Variants in TAFA5 observed in about 807,000 individuals in gnomAD.
TAFA5 encodes the protein TAFA chemokine like family member 5, also known as chemokine-like protein TAFA-5.
Under a neutral mutation model 15.3 loss-of-function variants are expected in TAFA5, and 6 were observed. The ratio of observed to expected loss-of-function variants is 0.39; its 90% CI spans 0.21 to 0.77. The LOEUF (loss-of-function observed/expected upper bound fraction) is 0.77. Ranked by LOEUF, TAFA5 falls within the 30% of genes least tolerant of loss-of-function variation. The pLI, the probability that TAFA5 is intolerant of heterozygous loss-of-function variation, is 0.41. For synonymous variants in TAFA5, 103 were observed against 80.7 expected, an observed-to-expected ratio of 1.28 and a Z score of -1.48; for missense variants, 161 against 193.1, an observed-to-expected ratio of 0.83 and a Z score of 0.98.
intron 1 of TAFA5, among the ~76,000 whole-genome samples, chr22:48,523,467 G>C (rs915476136): frequency 1.3e-5 from 2 of 152,244 alleles, no homozygotes; most frequent in African/African-American, 4.8e-5. Context: ...TGAGCAGGAA[G>C]GAGGCTTGGG....
At chr22:48,739,753 T>G (rs1262763350) in intron 3 of TAFA5, among the ~76,000 whole-genome samples, 1 of 152,206 alleles carries the variant, frequency 6.6e-6, no homozygotes, top group Non-Finnish European at 1.5e-5. Context: ...TCTCTGTGTT[T>G]GTCGTGGGCT....
intron 2 of TAFA5, among the ~76,000 whole-genome samples, chr22:48,698,172 G>A (rs1569084129): frequency 6.6e-6 from 1 of 151,354 alleles, no homozygotes. Context: ...TGATAGTAGT[G>A]ATGATGGTGG....
At chr22:48,674,088 C>T (rs966503593) in intron 2 of TAFA5, among the ~76,000 whole-genome samples, 2 of 152,158 alleles carry the variant, frequency 1.3e-5, no homozygotes, top group Non-Finnish European at 2.9e-5. Context: ...CCTCTTCGCC[C>T]ATCTCACATC....
In TAFA5 at chr22:48,650,766, G is replaced by A. The variant is rs78473809; in HGVS notation, c.262+4020G>A. 2.6e-3 allele frequency among the ~76,000 whole-genome samples: 402 copies of A among 152,014 alleles called. 13 individuals carry two copies. The East Asian group carries it at 0.061, about 23-fold the overall frequency. On this transcript the variant is annotated intron_variant, in intron 2 of 3. Transcript: ENST00000402357. ...ACACAAACCAGCCACGCACTGTGGC[G>A]CTTTCCATCCTTACACACAGTATCA...
chr22:48,504,633 G>A (rs1920976326), intron 1 of TAFA5, among the ~76,000 whole-genome samples: 1 of 152,222 alleles, frequency 6.6e-6, no homozygotes, highest in Non-Finnish European at 1.5e-5. Flanking sequence ...GAGGCCTGGA[G>A]AGGGGGCTCC....
rs1423288142 is a variant in TAFA5 at position 48,616,017 on chromosome 22, C to T, written c.113-30580C>T. Among the ~76,000 whole-genome samples, 4 of 152,276 alleles carry T rather than the reference C, an allele frequency of 2.6e-5. No homozygotes were observed. In the East Asian group the frequency reaches 7.7e-4, roughly 29 times the overall value. On this transcript the variant is annotated intron_variant, in intron 1 of 3. Transcript: ENST00000402357. ...GGGGCTTCTAGAATACAGCCAGGCA[C>T]GTCCCTACTGGTTCTGTGGGGTGCA...
At chr22:48,632,733 G>A (rs1198443884) in intron 1 of TAFA5, among the ~76,000 whole-genome samples, 2 of 152,162 alleles carry the variant, frequency 1.3e-5, no homozygotes, top group African/African-American at 4.8e-5. Flanking sequence ...TGGCTGCGGA[G>A]GCCCTGACCC....
chr22:48,674,848 G>T (rs559667322), intron 2 of TAFA5, among the ~76,000 whole-genome samples: 2 of 152,132 alleles, frequency 1.3e-5, no homozygotes, highest in Non-Finnish European at 2.9e-5. Context: ...CTATTCTTTC[G>T]GTGTTGCTGT....
chr22:48,594,505 T>G (rs1366826678), intron 1 of TAFA5, among the ~76,000 whole-genome samples: 1 of 152,180 alleles, frequency 6.6e-6, no homozygotes, highest in Non-Finnish European at 1.5e-5. Context: ...CCCCACCCTC[T>G]CAGGGACATA....
At chr22:48,575,201 C>T (rs1923721841) in intron 1 of TAFA5, among the ~76,000 whole-genome samples, 1 of 152,060 alleles carries the variant, frequency 6.6e-6, no homozygotes, top group Non-Finnish European at 1.5e-5. Context: ...CGTCCGGTCT[C>T]CCGCGCCAGC....
intron 3 of TAFA5, among the ~76,000 whole-genome samples, chr22:48,748,746 TGACGGAACCTGG>T (rs1439079056): frequency 6.6e-6 from 1 of 152,164 alleles, no homozygotes; most frequent in Non-Finnish European, 1.5e-5. Context: ...CCCCTGGCCC[TGACGGAACCTGG>T]GATTTGGGGA....
At position 48,491,610 on chromosome 22, in the gene TAFA5, C is replaced by A. The variant is rs368584159; in HGVS notation, c.112+1906C>A. On this transcript the variant is annotated intron_variant, in intron 1 of 3. Coordinates refer to ENST00000402357, the MANE Select transcript of TAFA5 (RefSeq NM_001082967.3). ...GGCTTCAACACCGCACTTCCCGAGC[C>A]CGCGAGGAGCGCGGTACACACTGTC... is the stretch of plus-strand genomic sequence containing the variant. Among the ~76,000 whole-genome samples, 9 of 152,382 alleles carry A rather than the reference C, an allele frequency of 5.9e-5. No individual in the cohort carries two copies. In the East Asian group the frequency reaches 1.7e-3, roughly 29 times the overall value.
rs1926102777 is a variant in TAFA5 at position 48,628,543 on chromosome 22, A to G, written c.113-18054A>G. 2.6e-5 allele frequency among the ~76,000 whole-genome samples: 4 copies of G among 152,338 alleles called. No homozygotes were observed. The South Asian group carries it at 8.3e-4, about 32-fold the overall frequency. On this transcript the variant is annotated intron_variant, in intron 1 of 3. Coordinates refer to ENST00000402357, the MANE Select transcript of TAFA5 (RefSeq NM_001082967.3). The stretch of plus-strand genomic sequence containing the variant: ...GGATGCCAGGTCTGCTAAGGAGGGC[A>G]TAGACGGGTTTGCTCCCTGTGCAGC...
At chr22:48,680,626 C>T (rs1408760550) in intron 2 of TAFA5, among the ~76,000 whole-genome samples, 1 of 152,204 alleles carries the variant, frequency 6.6e-6, no homozygotes, top group Non-Finnish European at 1.5e-5. Flanking sequence ...AATTTGCCCA[C>T]CACGACTGGG....
chr22:48,525,376 C>T lies in TAFA5; in HGVS notation c.112+35672C>T, dbSNP rs144943168. Among the ~76,000 whole-genome samples the T allele has an allele frequency of 4.6e-5, 7 of 152,280 alleles. No homozygotes were observed. The Middle Eastern group carries it at 0.02, about 444-fold the overall frequency. The stretch of plus-strand genomic sequence containing the variant: ...CGCTGAGGGCTTGGTCCACACCCCA[C>T]CCTCACCCCGACAGGTGCCCGCTGC... On this transcript the variant is annotated intron_variant, in intron 1 of 3. Coordinates refer to ENST00000402357, the MANE Select transcript of TAFA5 (RefSeq NM_001082967.3).
chr22:48,629,881 C>T lies in TAFA5; in HGVS notation c.113-16716C>T, dbSNP rs534274080. Reference sequence around the variant, plus strand: ...ATGCCACCCGGCAACGCCGAGTGTCCTCCCGGCAGAGGAGTGCGGGCACCT... The same window carrying T: ...ATGCCACCCGGCAACGCCGAGTGTCTTCCCGGCAGAGGAGTGCGGGCACCT... On this transcript the variant is annotated intron_variant, in intron 1 of 3. Transcript: ENST00000402357. Among the ~76,000 whole-genome samples, 77 of 152,300 alleles carry T rather than the reference C, an allele frequency of 5.1e-4. No individual in the cohort carries two copies. In the Middle Eastern group the frequency reaches 0.01, roughly 20 times the overall value.
At chr22:48,711,122 G>A (rs1929239114) in intron 3 of TAFA5, among the ~76,000 whole-genome samples, 1 of 152,196 alleles carries the variant, frequency 6.6e-6, no homozygotes, top group South Asian at 2.1e-4. Context: ...GACATGGGCA[G>A]GTGGGAGTCT....
At chr22:48,615,057 A>G (rs1280505773) in intron 1 of TAFA5, among the ~76,000 whole-genome samples, 2 of 152,158 alleles carry the variant, frequency 1.3e-5, no homozygotes, top group Admixed American at 6.5e-5. Context: ...AACCACAACC[A>G]GATTCTAGGA....
chr22:48,586,210 A>T (rs1924353741), intron 1 of TAFA5, among the ~76,000 whole-genome samples: 1 of 152,254 alleles, frequency 6.6e-6, no homozygotes, highest in South Asian at 2.1e-4. Context: ...ATAGCAGGAC[A>T]GGTGCAGCCA....
Sources: allele counts gnomAD v4.1 joint callset (sites outside exome capture counted in the v4.1 genomes callset), GRCh38; gene constraint gnomAD v4.1.1; transcripts MANE v1.5; gene names NCBI Gene and HGNC (gene_info 2026-07-23, HGNC 2026-07-21).